Variants in RAB27B observed in about 807,000 individuals in gnomAD.
RAB27B encodes ras-related protein Rab-27B.
Under a neutral mutation model 24.6 loss-of-function variants are expected in RAB27B, and 15 were observed. The observed-to-expected ratio is 0.61, with a 90% confidence interval of 0.41 to 0.94. The LOEUF (loss-of-function observed/expected upper bound fraction) is 0.94. Among genes scored for constraint, RAB27B ranks in the 40% least tolerant of loss-of-function variants. RAB27B has a pLI of 0.00. For synonymous variants in RAB27B, 105 were observed against 92.5 expected (o/e 1.14, Z -0.78); for missense variants, 261 against 266.8 (o/e 0.98, Z 0.15).
chr18:54,815,825 T>C (rs931470960), intron 2 of RAB27B, among the ~76,000 whole-genome samples: 3 of 152,238 alleles, frequency 2.0e-5, no homozygotes, highest in African/African-American at 7.2e-5. Flanking sequence ...GGTTTCTCCA[T>C]GTTGGTCAGG....
rs1912091126 is a variant in RAB27B, at chr18:54,863,582, G to A, written c.-19-13985G>A. Reference sequence around the variant, plus strand: ...ACAGTTCAGTGTTTTTTTAGAATATGCACAAAGTTGTGCCACCATTACTAT... The same window carrying A: ...ACAGTTCAGTGTTTTTTTAGAATATACACAAAGTTGTGCCACCATTACTAT... On this transcript the variant is annotated intron_variant, in intron 1 of 5. Coordinates refer to ENST00000262094, the MANE Select transcript of RAB27B (RefSeq NM_004163.4). Among the ~76,000 whole-genome samples the A allele has an allele frequency of 2.0e-5, 3 of 152,068 alleles. No homozygotes were observed. The South Asian group carries it at 6.2e-4, about 32-fold the overall frequency.
chr18:54,725,710 G>A (rs1909515262), intron 2 of RAB27B, among the ~76,000 whole-genome samples: 1 of 151,402 alleles, frequency 6.6e-6, no homozygotes, highest in Admixed American at 6.6e-5. Flanking sequence ...CAGATATCGT[G>A]AGAACTAACT....
intron 2 of RAB27B, among the ~76,000 whole-genome samples, chr18:54,769,339 G>A (rs1024737433): frequency 6.6e-6 from 1 of 152,104 alleles, no homozygotes; most frequent in Non-Finnish European, 1.5e-5. Context: ...AGTCCACTGT[G>A]TGTAAAATGC....
intron 4 of RAB27B, among the ~76,000 whole-genome samples, chr18:54,885,648 C>A (rs28393231): frequency 6.6e-6 from 1 of 152,156 alleles, no homozygotes; most frequent in Non-Finnish European, 1.5e-5. Flanking sequence ...CCTCAACACA[C>A]TTTATAGGTC....
In RAB27B at chr18:54,812,593, A is replaced by T. The variant is rs1038306439; in HGVS notation, c.-19-64974A>T. Among the ~76,000 whole-genome samples, 12 of 143,100 alleles carry T rather than the reference A, an allele frequency of 8.4e-5. No individual in the cohort carries two copies. The South Asian group carries it at 1.1e-3, about 13-fold the overall frequency. The allele number at this position is 143,100 out of a possible 152,430, so 93.9% of individuals were successfully genotyped here. ...CACACACACACACACACACACACAC[A>T]CTCTTATGAATACCTTTCAGGTGTA... is the stretch of plus-strand genomic sequence containing the variant. On this transcript the variant is annotated intron_variant, in intron 2 of 4. Coordinates refer to the RAB27B transcript ENST00000586570.
chr18:54,727,519 G>A (rs1413283672), intron 2 of RAB27B, among the ~76,000 whole-genome samples: 1 of 152,160 alleles, frequency 6.6e-6, no homozygotes, highest in Non-Finnish European at 1.5e-5. Context: ...TTCAGTTCTG[G>A]TAGTGGGGTG....
intron 2 of RAB27B, among the ~76,000 whole-genome samples, chr18:54,733,824 G>C (rs941767364): frequency 2.6e-5 from 4 of 152,042 alleles, no homozygotes; most frequent in African/African-American, 9.7e-5. Flanking sequence ...GGCACTCCAA[G>C]TGTAGATTTG....
At chr18:54,819,866 C>T (rs2145164442) in intron 2 of RAB27B, among the ~76,000 whole-genome samples, 2 of 149,620 alleles carry the variant, frequency 1.3e-5, no homozygotes, top group South Asian at 4.3e-4. Flanking sequence ...TGAGAACATG[C>T]AGTGTTTGGT....
Position 54,844,738 on chromosome 18 carries a change from C to T in RAB27B, c.-20+16038C>T, listed in dbSNP as rs1194636526. 1.3e-5 allele frequency among the ~76,000 whole-genome samples: 2 copies of T among 152,124 alleles called. 1 individual carries two copies. The highest frequency in any genetic ancestry group is 3.9e-4 in the East Asian group (2 of 5,164). On this transcript the variant is annotated intron_variant, in intron 1 of 5. Coordinates refer to ENST00000262094, the MANE Select transcript of RAB27B (RefSeq NM_004163.4). ...AGGTCTACTTCTTACAAAATAGATC[C>T]CTGAGATACTGAGAATCTACTATGT... is the stretch of plus-strand genomic sequence containing the variant.
At chr18:54,835,004 C>T (rs1008285357) in intron 1 of RAB27B, among the ~76,000 whole-genome samples, 1 of 151,618 alleles carries the variant, frequency 6.6e-6, no homozygotes, top group African/African-American at 2.4e-5. Context: ...TTATATTTGC[C>T]CAATCTAACT....
intron 2 of RAB27B, among the ~76,000 whole-genome samples, chr18:54,785,132 C>T (rs375586897): frequency 1.5e-4 from 23 of 150,816 alleles, no homozygotes; most frequent in African/African-American, 4.1e-4. Flanking sequence ...GACGGAGTCT[C>T]GCTCTGTCGC....
intron 2 of RAB27B, among the ~76,000 whole-genome samples, chr18:54,796,262 G>C (rs777216527): frequency 6.6e-5 from 10 of 152,158 alleles, no homozygotes; most frequent in Non-Finnish European, 1.3e-4. Context: ...TGTGACTCCT[G>C]AAGTCCAAGT....
chr18:54,730,821 C>T (rs908076614), intron 2 of RAB27B, among the ~76,000 whole-genome samples: 1 of 152,150 alleles, frequency 6.6e-6, no homozygotes, highest in Non-Finnish European at 1.5e-5. Context: ...TCAAAATAAA[C>T]CACTTTTCTT....
intron 2 of RAB27B, among the ~76,000 whole-genome samples, chr18:54,796,424 C>T (rs945219786): frequency 2.6e-5 from 4 of 152,176 alleles, no homozygotes; most frequent in South Asian, 2.1e-4. Context: ...CCAGAAAAAT[C>T]GGATCACATG....
chr18:54,800,811 T>C (rs1909577066), intron 2 of RAB27B, among the ~76,000 whole-genome samples: 1 of 152,166 alleles, frequency 6.6e-6, no homozygotes, highest in Non-Finnish European at 1.5e-5. Flanking sequence ...GTTATTATAA[T>C]GCCCACATTT....
intron 2 of RAB27B, among the ~76,000 whole-genome samples, chr18:54,732,655 A>G (rs1271107506): frequency 6.6e-6 from 1 of 152,254 alleles, no homozygotes; most frequent in African/African-American, 2.4e-5. Context: ...AAAGAATATC[A>G]GTAAGATATA....
chr18:54,747,179 A>C (rs111484096), intron 2 of RAB27B, among the ~76,000 whole-genome samples: 2 of 152,138 alleles, frequency 1.3e-5, no homozygotes, highest in Admixed American at 1.3e-4. Context: ...CCAATCCTAT[A>C]TAGCCTCAAG....
intron 1 of RAB27B, among the ~76,000 whole-genome samples, chr18:54,844,770 A>C (rs992189277): frequency 1.3e-5 from 2 of 152,112 alleles, no homozygotes; most frequent in African/African-American, 4.8e-5. Context: ...ATGTTGCAGC[A>C]TCCTAAATAA....
rs202230232 is a variant in RAB27B at position 54,878,017 on chromosome 18, A to G, written c.153+279A>G. ...CATAGTGTGTTTTCTACAAATTCTTAAGAAATCTTTCAAAACTTGAATTAT... is the reference window on the plus strand; with the variant it reads ...CATAGTGTGTTTTCTACAAATTCTTGAGAAATCTTTCAAAACTTGAATTAT... On this transcript the variant is annotated intron_variant, in intron 2 of 5. Coordinates refer to ENST00000262094, the MANE Select transcript of RAB27B (RefSeq NM_004163.4). Among the ~76,000 whole-genome samples, 3 of 152,316 alleles carry G rather than the reference A, an allele frequency of 2.0e-5. No individual in the cohort carries two copies. In the East Asian group the frequency reaches 5.8e-4, roughly 29 times the overall value.
Sources: gnomAD v4.1 joint callset for allele counts (sites outside exome capture counted in the v4.1 genomes callset) on GRCh38, gnomAD v4.1.1 for gene constraint, MANE v1.5 for transcripts, NCBI Gene and HGNC (gene_info 2026-07-23, HGNC 2026-07-21) for gene names.